PNPT1: variants seen among roughly 807,000 people sequenced by gnomAD.
PNPT1 encodes polyribonucleotide nucleotidyltransferase 1, also known as polyribonucleotide nucleotidyltransferase 1, mitochondrial.
Under a neutral mutation model 119.5 loss-of-function variants are expected in PNPT1, and 53 were observed. The observed-to-expected ratio is 0.44, with a 90% CI of 0.36 to 0.56. The LOEUF (loss-of-function observed/expected upper bound fraction) is 0.56. Ranked by LOEUF, PNPT1 falls within the 20% of genes least tolerant of loss-of-function variation. The probability of loss-of-function intolerance (pLI) is 0.00; values close to 1 mark genes in which losing one functional copy is unlikely to be tolerated. For missense variants in PNPT1, 948 were observed against 938.5 expected (o/e 1.01, Z -0.13); for synonymous variants, 357 against 322.1 (o/e 1.11, Z -1.16).
intron 1 of PNPT1, among the ~76,000 whole-genome samples, chr2:55,688,991 A>G (rs1272741432): frequency 1.3e-5 from 2 of 152,222 alleles, no homozygotes; most frequent in Non-Finnish European, 2.9e-5. Flanking sequence ...AGCTAAAACA[A>G]TAAAAGTTTT....
chr2:55,664,935 G>A (rs189749943), intron 13 of PNPT1, among the ~76,000 whole-genome samples: 37 of 152,130 alleles, frequency 2.4e-4, no homozygotes, highest in African/African-American at 8.2e-4. Flanking sequence ...ATAAATCCTA[G>A]AAGGATATTT....
At chr2:55,643,487 G>C in intron 23 of PNPT1, 62 bp from the exon 24 acceptor site, 1 of 1,418,038 alleles carries the variant, frequency 7.1e-7, no homozygotes, top group Non-Finnish European at 9.9e-7. Flanking sequence ...GGTCACATCT[G>C]TAATCCCAGC....
Position 55,672,920 on chromosome 2 carries a change from G to A in PNPT1, c.839C>T (p.Ser280Leu), listed in dbSNP as rs143022417. Residue 280 changes from serine to leucine, a missense_variant, in exon 9 of 28, where the codon TCG becomes TTG. Physicochemically the swap from Ser to Leu is moderately radical, Grantham distance 145. Coordinates refer to ENST00000447944, the MANE Select transcript of PNPT1 (RefSeq NM_033109.5). ...KRTPQKLFTP[S>L]PEIVKYTHKL... is the part of the protein sequence containing the mutation. The stretch of plus-strand genomic sequence containing the variant: ...ATGAGTATATTTCACAATCTCTGGC[G>A]AAGGGGTAAATAACTTCTGAGGTGT... 27 of 1,605,792 alleles carry A rather than the reference G, an allele frequency of 1.7e-5. No homozygotes were observed. The highest frequency in any genetic ancestry group is 5.4e-5 in the African/African-American group (4 of 74,484).
intron 18 of PNPT1, among the ~76,000 whole-genome samples, chr2:55,649,191 C>T (rs1009198366): frequency 4.6e-5 from 7 of 152,254 alleles, no homozygotes; most frequent in Admixed American, 2.0e-4. Context: ...GTAATCCCAA[C>T]GCTTTGGCAG....
At chr2:55,653,197 G>T (rs909609364) in intron 18 of PNPT1, among the ~76,000 whole-genome samples, 3 of 152,128 alleles carry the variant, frequency 2.0e-5, no homozygotes, top group Non-Finnish European at 4.4e-5. Context: ...AAGTTCTTAA[G>T]AGTCTTGTTG....
In PNPT1 at chr2:55,693,815, G is replaced by C. The variant is rs762681171; in HGVS notation, c.9C>G (p.Ala3=). 2 of 1,613,648 alleles carry C rather than the reference G, an allele frequency of 1.2e-6. No homozygotes were observed. The highest frequency in any genetic ancestry group is 1.7e-6 in the Non-Finnish European group (2 of 1,180,030). ...GGAGGCACGAGCAGCAGTACCTGCA[G>C]GCCGCCATGACACCCGGCACGCGGT... MA[A]CRYCCSCLRL... The change falls in exon 1 of 28, where the codon GCC becomes GCG. Residue 3 remains alanine, a synonymous_variant. Coordinates refer to ENST00000447944, the MANE Select transcript of PNPT1 (RefSeq NM_033109.5).
intron 2 of PNPT1, among the ~76,000 whole-genome samples, chr2:55,687,268 C>T (rs1486524744): frequency 6.6e-6 from 1 of 150,796 alleles, no homozygotes; most frequent in East Asian, 1.9e-4. Flanking sequence ...GGTGAAACCC[C>T]GTCTCTACTA....
intron 11 of PNPT1, among the ~76,000 whole-genome samples, chr2:55,669,222 G>C (rs1572820526): frequency 1.3e-5 from 2 of 152,274 alleles, no homozygotes. Flanking sequence ...TAAACTGCCT[G>C]AGACCACACA....
chr2:55,647,838 T>C (rs1207171727), intron 18 of PNPT1, among the ~76,000 whole-genome samples: 1 of 152,158 alleles, frequency 6.6e-6, no homozygotes, highest in Non-Finnish European at 1.5e-5. Context: ...TTACTTTTAA[T>C]GTAAGTGGAT....
chr2:55,650,986 A>C (rs1696168214), intron 18 of PNPT1, among the ~76,000 whole-genome samples: 1 of 140,516 alleles, frequency 7.1e-6, no homozygotes, highest in African/African-American at 2.7e-5. Context: ...CCCGTCCGGG[A>C]GGTGAGGGGC....
intron 8 of PNPT1, among the ~76,000 whole-genome samples, chr2:55,678,038 G>A (rs1002942715): frequency 3.9e-5 from 6 of 152,158 alleles, no homozygotes; most frequent in Non-Finnish European, 8.8e-5. Flanking sequence ...ACTATGCCCG[G>A]CCATTTCTGT....
Position 55,662,687 on chromosome 2 carries a change from A to T in PNPT1, c.1177-661T>A, listed in dbSNP as rs150623705. Reference sequence around the variant, plus strand: ...AGACTCTGTCTCAGAAAAAGAAGAAAAGAAAAATAAATTAAGAAAATCAGT... The same window carrying T: ...AGACTCTGTCTCAGAAAAAGAAGAATAGAAAAATAAATTAAGAAAATCAGT... On this transcript the variant is annotated intron_variant, in intron 13 of 27. Transcript: ENST00000447944. 9.2e-5 allele frequency among the ~76,000 whole-genome samples: 14 copies of T among 152,256 alleles called. No homozygotes were observed. In the East Asian group the frequency reaches 2.7e-3, roughly 29 times the overall value.
chr2:55,675,138 T>C (rs1219196372), intron 8 of PNPT1, among the ~76,000 whole-genome samples: 1 of 152,018 alleles, frequency 6.6e-6, no homozygotes, highest in Non-Finnish European at 1.5e-5. Context: ...GCTGCGGTGG[T>C]GTGCCTGTAA....
At chr2:55,669,362 C>T (rs1374646077) in intron 11 of PNPT1, among the ~76,000 whole-genome samples, 2 of 152,068 alleles carry the variant, frequency 1.3e-5, no homozygotes, top group African/African-American at 4.8e-5. Context: ...TAATTTATGC[C>T]AAGTTTTAAG....
In PNPT1 at chr2:55,653,982, G is replaced by A. The variant is rs181187520; in HGVS notation, c.1495+918C>T. ...GGTTTTAAGAATCTCCTAGCGGCCAGGTGTGGTGGCTCATGCCTGTAATCC... is the reference window on the plus strand; with the variant it reads ...GGTTTTAAGAATCTCCTAGCGGCCAAGTGTGGTGGCTCATGCCTGTAATCC... On this transcript the variant is annotated intron_variant, in intron 18 of 27. Coordinates refer to ENST00000447944, the MANE Select transcript of PNPT1 (RefSeq NM_033109.5). Among the ~76,000 whole-genome samples, 984 of 152,306 alleles carry A rather than the reference G, an allele frequency of 6.5e-3. 7 individuals carry two copies. Among genetic ancestry groups the A allele is most frequent in the Non-Finnish European group, 8.9e-3 (608 of 68,030 alleles).
Position 55,636,277 on chromosome 2 carries a change from A to G in PNPT1, c.2312T>C (p.Met771Thr), listed in dbSNP as rs1390037117. ...RTLNDRSSIVMGEPISQSSSN... is the reference protein window; with the variant it reads ...RTLNDRSSIVTGEPISQSSSN... ...TGATGACTGTGAAATAGGTTCTCCC[A>G]TTACAATACTACTTCTGTCATTCAA... The change falls in exon 28 of 28, where the codon ATG becomes ACG. Residue 771 changes from methionine (M) to threonine (T), a missense_variant. Coordinates refer to ENST00000447944, the MANE Select transcript of PNPT1 (RefSeq NM_033109.5). The G allele has an allele frequency of 1.2e-6, 2 of 1,613,550 alleles. No homozygotes were observed.
chr2:55,641,817 C>T (rs1572794662), intron 25 of PNPT1, among the ~76,000 whole-genome samples: 1 of 148,052 alleles, frequency 6.8e-6, no homozygotes, highest in Non-Finnish European at 1.5e-5. Context: ...TCTAGCTGGT[C>T]AAAAAAAATG....
At chr2:55,679,575 A>G in intron 8 of PNPT1, 107 bp downstream of exon 8, 1 of 764,146 alleles carries the variant, frequency 1.3e-6, no homozygotes, top group South Asian at 1.8e-5. Flanking sequence ...CATGACAAAA[A>G]TTTTTATGGC....
At chr2:55,650,023 C>T (rs550723388) in intron 18 of PNPT1, among the ~76,000 whole-genome samples, 1 of 152,322 alleles carries the variant, frequency 6.6e-6, no homozygotes, top group Non-Finnish European at 1.5e-5. Flanking sequence ...TTTCTTGAGG[C>T]ACTGCCTCTC....
Sources: gnomAD v4.1 joint callset for allele counts (sites outside exome capture counted in the v4.1 genomes callset) on GRCh38, gnomAD v4.1.1 for gene constraint, MANE v1.5 for transcripts, NCBI Gene and HGNC (gene_info 2026-07-23, HGNC 2026-07-21) for gene names.